The following SLC4A4 variants were observed in gnomAD, a reference collection of about 807,000 sequenced individuals.
SLC4A4 encodes solute carrier family 4 member 4.
Under a neutral mutation model 111.5 loss-of-function variants are expected in SLC4A4, and 27 were observed. That is an observed-to-expected ratio of 0.24 (90% CI 0.18 to 0.33). The LOEUF (loss-of-function observed/expected upper bound fraction) is 0.33, where lower values mean the gene tolerates loss of function less well. Among genes scored for constraint, SLC4A4 ranks in the 10% least tolerant of loss-of-function variants. The probability of loss-of-function intolerance (pLI) is 1.00; values close to 1 mark genes in which losing one functional copy is unlikely to be tolerated. For missense variants in SLC4A4, 909 were observed against 1,315.5 expected, an observed-to-expected ratio of 0.69 and a Z score of 4.78; for synonymous variants, 443 against 463.4, an observed-to-expected ratio of 0.96 and a Z score of 0.57.
chr4:71,527,507 G>C (rs1286962301), intron 16 of SLC4A4, among the ~76,000 whole-genome samples: 3 of 151,986 alleles, frequency 2.0e-5, no homozygotes, highest in Admixed American at 6.6e-5. Flanking sequence ...GGCAGTGTGG[G>C]CCAGGGAAGA....
chr4:71,509,858 G>A lies in SLC4A4; in HGVS notation c.2166+12166G>A, dbSNP rs1731752522. Among the ~76,000 whole-genome samples, 2 of 152,316 alleles carry A rather than the reference G, an allele frequency of 1.3e-5. 1 individual carries two copies. The highest frequency in any genetic ancestry group is 3.9e-4 in the East Asian group (2 of 5,186). On this transcript the variant is annotated intron_variant, in intron 16 of 25. Coordinates refer to ENST00000264485, the MANE Select transcript of SLC4A4 (RefSeq NM_001098484.3). ...TGGTTCTATGCTTTGTACACCTGGG[G>A]TTGTGGTGCTGCAGGCACCTGTGTA...
intron 1 of SLC4A4, among the ~76,000 whole-genome samples, chr4:71,073,504 A>G (rs1189277704): frequency 6.6e-6 from 1 of 152,172 alleles, no homozygotes; most frequent in Non-Finnish European, 1.5e-5. Context: ...GTTCAAATGT[A>G]CCTTTTCAGT....
intron 25 of SLC4A4, 37 bp downstream of exon 25, chr4:71,567,120 G>A (rs1331104904): frequency 8.7e-6 from 13 of 1,494,418 alleles, no homozygotes; most frequent in Non-Finnish European, 1.1e-5. Flanking sequence ...TTTTCTGTGG[G>A]ATAATTGCCC....
chr4:71,405,565 A>G (rs573643538), intron 7 of SLC4A4, among the ~76,000 whole-genome samples: 3 of 152,234 alleles, frequency 2.0e-5, no homozygotes, highest in Admixed American at 6.5e-5. Flanking sequence ...GCATTCTTTC[A>G]TGAGTATTTC....
chr4:71,346,863 G>A (rs750426688), intron 4 of SLC4A4, among the ~76,000 whole-genome samples: 7 of 152,030 alleles, frequency 4.6e-5, no homozygotes, highest in Non-Finnish European at 8.8e-5. Context: ...CAATTTAATA[G>A]GCATTTTTCC....
At chr4:71,260,411 T>C (rs1397665445) in intron 3 of SLC4A4, among the ~76,000 whole-genome samples, 8 of 152,164 alleles carry the variant, frequency 5.3e-5, no homozygotes, top group Admixed American at 4.6e-4. Context: ...CTACATGCCA[T>C]TGGTATTCTC....
At chr4:71,282,724 A>G (rs1409803700) in intron 3 of SLC4A4, among the ~76,000 whole-genome samples, 2 of 151,532 alleles carry the variant, frequency 1.3e-5, no homozygotes. Context: ...CTGGGACCAC[A>G]GGTGTGTGCC....
intron 2 of SLC4A4, among the ~76,000 whole-genome samples, chr4:71,093,420 G>A (rs1314422728): frequency 6.6e-6 from 1 of 152,034 alleles, no homozygotes; most frequent in Non-Finnish European, 1.5e-5. Flanking sequence ...TGCCTGTCTC[G>A]GCTTCTCAAA....
At chr4:71,086,794 G>A (rs1327816443) in intron 1 of SLC4A4, among the ~76,000 whole-genome samples, 1 of 152,024 alleles carries the variant, frequency 6.6e-6, no homozygotes, top group African/African-American at 2.4e-5. Flanking sequence ...ATGGGCTGCT[G>A]GATTCGGTTT....
intron 2 of SLC4A4, among the ~76,000 whole-genome samples, chr4:71,246,099 A>G (rs1167416399): frequency 1.3e-5 from 2 of 152,228 alleles, no homozygotes; most frequent in Non-Finnish European, 2.9e-5. Context: ...ATGAGAAGTT[A>G]GGAAGAGACT....
Position 71,405,624 on chromosome 4 carries a change from G to A in SLC4A4, c.807+7971G>A, listed in dbSNP as rs190944621. On this transcript the variant is annotated intron_variant, in intron 7 of 25. Coordinates refer to ENST00000264485, the MANE Select transcript of SLC4A4 (RefSeq NM_001098484.3). ...GAATTGCTGGATTACCGTGTATTGC[G>A]AATTTAATTACCTTCCCAAAAGATT... Among the ~76,000 whole-genome samples the A allele has an allele frequency of 1.1e-4, 16 of 152,152 alleles. 1 individual carries two copies. Among genetic ancestry groups the A allele is most frequent in the Middle Eastern group, 6.8e-3 (2 of 294 alleles).
chr4:71,251,702 T>A (rs1177939787), intron 2 of SLC4A4, among the ~76,000 whole-genome samples: 1 of 152,216 alleles, frequency 6.6e-6, no homozygotes, highest in Non-Finnish European at 1.5e-5. Flanking sequence ...GAAGTTTCAG[T>A]AGCAAGAATG....
chr4:71,427,528 T>C (rs949861650), intron 7 of SLC4A4, among the ~76,000 whole-genome samples: 8 of 152,084 alleles, frequency 5.3e-5, no homozygotes, highest in Admixed American at 5.3e-4. Context: ...ATAATTCTCC[T>C]TTAAGGTTAT....
chr4:71,497,839 T>C, intron 16 of SLC4A4, 147 bp downstream of exon 16: 1 of 703,746 alleles, frequency 1.4e-6, no homozygotes, highest in Non-Finnish European at 2.4e-6. Context: ...TCTTTGTTCA[T>C]GTGCATACTT....
intron 2 of SLC4A4, among the ~76,000 whole-genome samples, chr4:71,132,179 T>C (rs1014251199): frequency 6.6e-6 from 1 of 152,208 alleles, no homozygotes; most frequent in South Asian, 2.1e-4. Context: ...AAATCACTAG[T>C]GTTTTTTCCT....
Position 71,339,468 on chromosome 4 carries a change from G to A in SLC4A4, c.352G>A (p.Val118Met), listed in dbSNP as rs376538998. The A allele has an allele frequency of 2.4e-5, 39 of 1,613,894 alleles. No individual in the cohort carries two copies. The highest frequency in any genetic ancestry group is 3.3e-4 in the Middle Eastern group (2 of 5,982). Residue 118 changes from valine to methionine, a missense_variant, in exon 4 of 26, where the codon GTG becomes ATG. By Grantham distance (21) the Val-to-Met change is conservative (BLOSUM62 1). This residue lies in a region of SLC4A4 where 117 missense variants were observed against 154.2 expected (regional missense o/e 0.76). Transcript: ENST00000264485. Reference protein sequence around the residue: ...LFTELDELLAVDGQEMEWKET... With the variant: ...LFTELDELLAMDGQEMEWKET... Reference sequence around the variant, plus strand: ...CACGGAACTGGATGAGCTGCTGGCCGTGGATGGGCAGGAGATGGAGTGGAA... The same window carrying A: ...CACGGAACTGGATGAGCTGCTGGCCATGGATGGGCAGGAGATGGAGTGGAA...
intron 1 of SLC4A4, among the ~76,000 whole-genome samples, chr4:71,232,147 G>A (rs1719476056): frequency 6.6e-6 from 1 of 152,288 alleles, no homozygotes; most frequent in African/African-American, 2.4e-5. Context: ...CAGGGAAGAG[G>A]CTGCTTTGAG....
At chr4:71,189,887 A>G (rs569280651) in intron 1 of SLC4A4, among the ~76,000 whole-genome samples, 13 of 152,348 alleles carry the variant, frequency 8.5e-5, no homozygotes, top group African/African-American at 3.1e-4. Context: ...AACTGAGAAG[A>G]GGAAAATCTA....
intron 14 of SLC4A4, among the ~76,000 whole-genome samples, chr4:71,475,558 A>G (rs1390650555): frequency 6.6e-6 from 1 of 151,886 alleles, no homozygotes; most frequent in Non-Finnish European, 1.5e-5. Flanking sequence ...GAAGTTGTCC[A>G]GAAGGACTCT....
Sources: allele counts gnomAD v4.1 joint callset (sites outside exome capture counted in the v4.1 genomes callset), GRCh38; gene constraint gnomAD v4.1.1; regional missense constraint gnomAD v4.1.1; transcripts MANE v1.5; gene names NCBI Gene and HGNC (gene_info 2026-07-23, HGNC 2026-07-21).